Variants in KRABD3 observed in about 807,000 individuals in gnomAD.
KRABD3 encodes the protein KRAB domain containing 3.
At chr7:149,721,887 A>G in the KRABD3 span, 52 of 456,618 alleles carry the variant, frequency 1.1e-4, no homozygotes, top group South Asian at 3.1e-4. Context: ...GTCTCATCAC[A>G]GCAACCCTAA....
the KRABD3 span, chr7:149,725,551 G>A: frequency 6.8e-5 from 100 of 1,459,986 alleles, no homozygotes; most frequent in African/African-American, 1.2e-3. Context: ...GGCAGATGCT[G>A]AGGACTGTCG....
the KRABD3 span, chr7:149,733,546 T>A: frequency 1.9e-6 from 3 of 1,599,374 alleles, no homozygotes; most frequent in Non-Finnish European, 2.6e-6. Flanking sequence ...CTCGCTGGGC[T>A]CATGGCCCTG....
the KRABD3 span, chr7:149,723,868 G>A: frequency 6.2e-7 from 1 of 1,613,714 alleles, no homozygotes; most frequent in Non-Finnish European, 8.5e-7. Context: ...GAATCCAGGA[G>A]CCTGGAAAAG....
the KRABD3 span, among the ~76,000 whole-genome samples, chr7:149,723,230 G>A: frequency 3.9e-5 from 6 of 152,210 alleles, no homozygotes; most frequent in Non-Finnish European, 5.9e-5. Flanking sequence ...GAGCTCATGT[G>A]TTGCTTTGCA....
chr7:149,715,117 G>A, the KRABD3 span: 2 of 1,230,994 alleles, frequency 1.6e-6, no homozygotes, highest in Non-Finnish European at 2.0e-6. Flanking sequence ...CCCCGAAGGC[G>A]GTAGGGCGAG....
chr7:149,720,778 G>A, the KRABD3 span: 9 of 1,498,666 alleles, frequency 6.0e-6, no homozygotes, highest in East Asian at 7.4e-5. Flanking sequence ...CACGCACGTA[G>A]GTGTGAGTGC....
At chr7:149,730,006 G>A in the KRABD3 span, 28 of 1,317,216 alleles carry the variant, frequency 2.1e-5, no homozygotes, top group East Asian at 7.5e-4. Flanking sequence ...GGCAAGAGAG[G>A]CAGCCATTTA....
the KRABD3 span, chr7:149,724,579 A>ATAAAGGCCTCAAGGGATTC: frequency 8.5e-7 from 1 of 1,173,906 alleles, no homozygotes; most frequent in Non-Finnish European, 1.1e-6. Context: ...TCCTAACCCT[A>ATAAAGGCCTCAAGGGATTC]TAAAGGCCTC....
chr7:149,718,916 C>T, the KRABD3 span, among the ~76,000 whole-genome samples: 2 of 152,220 alleles, frequency 1.3e-5, no homozygotes, highest in Admixed American at 6.5e-5. Context: ...GATAGGAGTA[C>T]AGGGTGTAAA....
the KRABD3 span, chr7:149,720,870 C>G: frequency 6.2e-7 from 1 of 1,604,482 alleles, no homozygotes; most frequent in Non-Finnish European, 8.5e-7. Flanking sequence ...CCTCACAGCC[C>G]TGGTGCAGCT....
the KRABD3 span, chr7:149,730,484 G>A: frequency 6.2e-7 from 1 of 1,609,166 alleles, no homozygotes; most frequent in African/African-American, 1.3e-5. Flanking sequence ...ATGTCCTGGT[G>A]GGACCCCTGC....
At chr7:149,723,529 A>G in the KRABD3 span, 7 of 560,130 alleles carry the variant, frequency 1.2e-5, no homozygotes, top group South Asian at 1.6e-4. Flanking sequence ...GTCTGCCTGC[A>G]GGGCGAATTC....
the KRABD3 span, among the ~76,000 whole-genome samples, chr7:149,726,586 C>T: frequency 2.0e-5 from 3 of 151,924 alleles, no homozygotes; most frequent in South Asian, 2.1e-4. Flanking sequence ...TATAGGTGTC[C>T]GCCACCGTGC....
the KRABD3 span, chr7:149,721,779 A>G: frequency 1.5e-6 from 1 of 665,322 alleles, no homozygotes; most frequent in South Asian, 1.5e-5. Context: ...CCGATCACTG[A>G]GCACTTTGTA....
At chr7:149,733,663 C>CGCCGG in the KRABD3 span, 3 of 1,588,344 alleles carry the variant, frequency 1.9e-6, no homozygotes, top group Non-Finnish European at 2.6e-6. Flanking sequence ...TGCAAGGACT[C>CGCCGG]TCCAGAGGGA....
the KRABD3 span, among the ~76,000 whole-genome samples, chr7:149,717,899 C>T: frequency 6.6e-6 from 1 of 152,164 alleles, no homozygotes; most frequent in East Asian, 1.9e-4. Context: ...ATTCTGCCTT[C>T]CAGGTTCTCC....
chr7:149,718,664 G>A, the KRABD3 span, among the ~76,000 whole-genome samples: 3 of 151,746 alleles, frequency 2.0e-5, no homozygotes, highest in South Asian at 6.3e-4. Context: ...GATTACAGGC[G>A]CCCACCACCA....
the KRABD3 span, chr7:149,733,280 C>A: frequency 6.2e-7 from 1 of 1,612,562 alleles, no homozygotes; most frequent in African/African-American, 1.3e-5. Flanking sequence ...GGAGCTGCCC[C>A]CTCCGGAAGC....
chr7:149,715,274 C>T, the KRABD3 span: 4 of 1,221,034 alleles, frequency 3.3e-6, no homozygotes, highest in Non-Finnish European at 4.1e-6. Flanking sequence ...CAGTCTCCAC[C>T]TGGGGAAACC....
Sources: allele counts gnomAD v4.1 joint callset (sites outside exome capture counted in the v4.1 genomes callset), GRCh38; gene constraint gnomAD v4.1.1; transcripts MANE v1.5; gene names NCBI Gene and HGNC (gene_info 2026-07-23, HGNC 2026-07-21).